Variants in TMEM255B observed in about 807,000 individuals in gnomAD.
TMEM255B encodes the protein family with sequence similarity 70, member B.
A neutral mutation model predicts 34.5 loss-of-function variants in TMEM255B; 35 were observed. The observed-to-expected ratio is 1.01, with a 90% confidence interval of 0.77 to 1.34. TMEM255B has a LOEUF of 1.34. Among genes scored for constraint, TMEM255B ranks in the 40% most tolerant of loss-of-function variants. The pLI is 0.00. For missense variants in TMEM255B, 432 were observed against 433.2 expected (o/e 1.00, Z 0.02); for synonymous variants, 206 against 201.2 (o/e 1.02, Z -0.20).
chr13:113,781,168 C>A (rs916051359), intron 3 of TMEM255B, among the ~76,000 whole-genome samples: 5 of 152,120 alleles, frequency 3.3e-5, no homozygotes, highest in Admixed American at 3.3e-4. Context: ...TTTTTATAGA[C>A]CTTTTATAAC....
chr13:113,769,264 T>C lies in TMEM255B; in HGVS notation c.252+104T>C, dbSNP rs2050439917. 6 of 1,304,292 alleles carry C rather than the reference T, an allele frequency of 4.6e-6. No individual in the cohort carries two copies. The highest frequency in any genetic ancestry group is 6.6e-6 in the Non-Finnish European group (6 of 905,814). 80.8% of individuals were successfully genotyped at this position (1,304,292 alleles called of 1,614,324 possible). A position where few individuals can be genotyped will look rare whatever the true frequency, so the allele number is the denominator to read the frequency against. On this transcript the variant is annotated intron_variant, in intron 3 of 8. Coordinates refer to ENST00000375353, the MANE Select transcript of TMEM255B (RefSeq NM_182614.4). This position sits in a 1 kb window ranked among gnomAD's most constrained non-coding sequence, Gnocchi z 4.2. ...AGTCAGCCCTGCCTCCCCAGCACAC[T>C]GGTGTCTACAGGACCAGCTCTGAGG...
At chr13:113,786,989 C>T (rs1019263328) in intron 3 of TMEM255B, among the ~76,000 whole-genome samples, 1 of 152,230 alleles carries the variant, frequency 6.6e-6, no homozygotes, top group Non-Finnish European at 1.5e-5. Flanking sequence ...CAGGAGACCA[C>T]ATTACTCCTG....
At chr13:113,775,377 G>A (rs1202687607) in intron 3 of TMEM255B, among the ~76,000 whole-genome samples, 1 of 152,252 alleles carries the variant, frequency 6.6e-6, no homozygotes, top group Non-Finnish European at 1.5e-5. Context: ...AGCCCCATCA[G>A]CCTTCCTGGG....
intron 3 of TMEM255B, among the ~76,000 whole-genome samples, chr13:113,783,766 G>A (rs542376109): frequency 6.6e-6 from 1 of 152,272 alleles, no homozygotes; most frequent in South Asian, 2.1e-4. Context: ...GGGGCCAACA[G>A]GGTGGAGGGT....
At chr13:113,797,611 A>T (rs965055806) in intron 4 of TMEM255B, among the ~76,000 whole-genome samples, 1 of 152,214 alleles carries the variant, frequency 6.6e-6, no homozygotes, top group Admixed American at 6.5e-5. Flanking sequence ...AGAGACAGAG[A>T]CTTGTGTCTG....
At position 113,815,908 on chromosome 13, in the gene TMEM255B, A is replaced by G; in HGVS notation, c.*4005A>G. On this transcript the variant is annotated 3_prime_UTR_variant, in exon 9 of 9. Transcript: ENST00000375353. ...TAACACACAGTGCTCAGGGAAGGAC[A>G]CCAGACATGAAGACTGTGTTCTGTT... The G allele has an allele frequency of 6.5e-6, 1 of 154,582 alleles. No individual in the cohort carries two copies. Among genetic ancestry groups the G allele is most frequent in the Non-Finnish European group, 1.4e-5 (1 of 69,342 alleles). The allele number at this position is 154,582 out of a possible 1,614,324, so 9.6% of individuals were successfully genotyped here.
intron 8 of TMEM255B, among the ~76,000 whole-genome samples, chr13:113,809,045 AG>A (rs2138587048): frequency 2.0e-5 from 1 of 50,802 alleles, no homozygotes; most frequent in Non-Finnish European, 3.6e-5. Context: ...TTTTGGGGGG[AG>A]GTTATGCTGT....
At chr13:113,808,829 T>C (rs1415276924) in intron 8 of TMEM255B, among the ~76,000 whole-genome samples, 8 of 131,622 alleles carry the variant, frequency 6.1e-5, no homozygotes, top group African/African-American at 1.2e-4. Flanking sequence ...GGGGGTTTAC[T>C]CCGTGGTTCC....
In TMEM255B at chr13:113,799,344, G is replaced by C. The variant is rs541950367; in HGVS notation, c.348G>C (p.Pro116=). ...GTGTTTATCTGTTTCTCTAGGAACC[G>C]AGGCCCCTCACCACGGGAAGATGCC... ...DGVFAAQHIE[P]RPLTTGRCQF... The change falls in exon 5 of 9, where the codon CCG becomes CCC. Residue 116 remains proline (P), a synonymous_variant. Transcript: ENST00000375353. 6.2e-7 allele frequency: 1 copy of C among 1,614,006 alleles called. No individual in the cohort carries two copies. Among genetic ancestry groups the C allele is most frequent in the Non-Finnish European group, 8.5e-7 (1 of 1,180,006 alleles).
At chr13:113,799,829 G>A (rs1415338409) in intron 5 of TMEM255B, 4 of 637,592 alleles carry the variant, frequency 6.3e-6, no homozygotes, top group Admixed American at 2.2e-5. Flanking sequence ...TGAGTGAGAT[G>A]CGGGGAGTAA....
Position 113,811,896 on chromosome 13 carries a change from C to T in TMEM255B, c.974C>T (p.Ala325Val), listed in dbSNP as rs759146030. 2 of 1,608,928 alleles carry T rather than the reference C, an allele frequency of 1.2e-6. No individual in the cohort carries two copies. Among genetic ancestry groups the T allele is most frequent in the African/African-American group, 1.3e-5 (1 of 74,674 alleles). ...FPPGEKPPPY[A>V]P ...CCGGGGGAGAAGCCACCCCCCTACG[C>T]ACCCTGATAGAGGCGTGGAGTAAAA... The change falls in exon 9 of 9, where the codon GCA (alanine) becomes GTA (valine). Residue 325 changes from alanine to valine, a missense_variant. Physicochemically the swap from Ala to Val is moderately conservative, Grantham distance 64. Coordinates refer to ENST00000375353, the MANE Select transcript of TMEM255B (RefSeq NM_182614.4).
At position 113,796,447 on chromosome 13, in the gene TMEM255B, C is replaced by T. The variant is rs376660528; in HGVS notation, c.342+1210C>T. On this transcript the variant is annotated intron_variant, in intron 4 of 8. Coordinates refer to ENST00000375353, the MANE Select transcript of TMEM255B (RefSeq NM_182614.4). ...CACACCACACAGAGCACACACCACA[C>T]AGAGTACACACCACACACACCACAG... Among the ~76,000 whole-genome samples the T allele has an allele frequency of 3.0e-4, 40 of 133,986 alleles. 1 individual carries two copies. In the South Asian group the frequency reaches 1.0e-2, roughly 33 times the overall value. 87.9% of individuals were successfully genotyped at this position (133,986 alleles called of 152,430 possible).
Position 113,794,466 on chromosome 13 carries a change from G to A in TMEM255B, c.253-682G>A, listed in dbSNP as rs149383104. ...ACGGAACCAAGCGAGATGCCAACTC[G>A]GGGCCACAGTTTTCAGCGGCCATTC... On this transcript the variant is annotated intron_variant, in intron 3 of 8. Transcript: ENST00000375353. Among the ~76,000 whole-genome samples, 594 of 152,086 alleles carry A rather than the reference G, an allele frequency of 3.9e-3. 3 individuals are homozygous for A. Among genetic ancestry groups the A allele is most frequent in the African/African-American group, 0.013 (545 of 41,486 alleles).
chr13:113,800,103 G>C, intron 5 of TMEM255B: 1 of 1,155,284 alleles, frequency 8.7e-7, no homozygotes, highest in Non-Finnish European at 1.1e-6. Context: ...TGTGGGGGGG[G>C]GTAGGCAGGA....
intron 4 of TMEM255B, among the ~76,000 whole-genome samples, chr13:113,797,107 G>C (rs1221248821): frequency 6.6e-6 from 1 of 152,270 alleles, no homozygotes; most frequent in East Asian, 1.9e-4. Context: ...TCCAGTCTCT[G>C]ACCGCAGTCG....
At chr13:113,791,552 GT>G (rs773260154) in intron 3 of TMEM255B, among the ~76,000 whole-genome samples, 1 of 152,166 alleles carries the variant, frequency 6.6e-6, no homozygotes, top group Non-Finnish European at 1.5e-5. Context: ...TCTGAGGGTG[GT>G]GACTCAACCA....
rs372328279 is a variant in TMEM255B at position 113,812,371 on chromosome 13, C to T, written c.*468C>T. The stretch of plus-strand genomic sequence containing the variant: ...CCCGCCCCTCGTGCTGTGCTCCTGA[C>T]GTATGCCAGGAAGGGAAGGACGCTT... On this transcript the variant is annotated 3_prime_UTR_variant, in exon 9 of 9. Transcript: ENST00000375353. 2.1e-3 allele frequency: 347 copies of T among 163,232 alleles called. 2 individuals are homozygous for T. Among genetic ancestry groups the T allele is most frequent in the African/African-American group, 7.8e-3 (325 of 41,660 alleles). The allele number at this position is 163,232 out of a possible 1,614,324, so 10.1% of individuals were successfully genotyped here.
chr13:113,788,693 C>T (rs980665445), intron 3 of TMEM255B, among the ~76,000 whole-genome samples: 2 of 152,106 alleles, frequency 1.3e-5, no homozygotes, highest in Non-Finnish European at 2.9e-5. Flanking sequence ...ACGGTGTCAC[C>T]GTGTGGCCGC....
intron 5 of TMEM255B, chr13:113,799,981 A>C: frequency 7.9e-7 from 1 of 1,264,896 alleles, no homozygotes; most frequent in South Asian, 1.3e-5. Context: ...CACGCGTGTC[A>C]GAGGAGGAGG....
Sources: allele counts gnomAD v4.1 joint callset (sites outside exome capture counted in the v4.1 genomes callset), GRCh38; gene constraint gnomAD v4.1.1; non-coding constraint Gnocchi (gnomAD v3.1); transcripts MANE v1.5; gene names NCBI Gene and HGNC (gene_info 2026-07-23, HGNC 2026-07-21).